Variants in ZFYVE9 observed in about 807,000 individuals in gnomAD.
ZFYVE9 encodes zinc finger FYVE domain-containing protein 9.
ZFYVE9 carries 43 observed loss-of-function variants against 126.7 expected under a neutral mutation model. That is an observed-to-expected ratio of 0.34 (90% confidence interval 0.27 to 0.44). The LOEUF is 0.44. Among genes scored for constraint, ZFYVE9 ranks in the 20% least tolerant of loss-of-function variants. The probability of loss-of-function intolerance (pLI) is 1.00; values close to 1 mark genes in which losing one functional copy is unlikely to be tolerated. For synonymous variants in ZFYVE9, 521 were observed against 597.4 expected (o/e 0.87, Z 1.87); for missense variants, 1,476 against 1,697.0 (o/e 0.87, Z 2.29).
intron 10 of ZFYVE9, among the ~76,000 whole-genome samples, chr1:52,283,711 G>A (rs1357858966): frequency 6.6e-6 from 1 of 152,156 alleles, no homozygotes; most frequent in Non-Finnish European, 1.5e-5. Context: ...AGGTGGGGGT[G>A]CAGGTGCTAG....
intron 4 of ZFYVE9, among the ~76,000 whole-genome samples, chr1:52,249,431 T>C (rs1428287278): frequency 6.6e-6 from 1 of 152,224 alleles, no homozygotes; most frequent in Admixed American, 6.5e-5. Flanking sequence ...TACTGGTCTC[T>C]ATATTAAAAA....
At chr1:52,235,924 A>G (rs1645269397) in intron 3 of ZFYVE9, among the ~76,000 whole-genome samples, 1 of 152,074 alleles carries the variant, frequency 6.6e-6, no homozygotes, top group South Asian at 2.1e-4. Context: ...GTTCTTGGAA[A>G]CTGTGACTTT....
chr1:52,252,850 C>A, intron 4 of ZFYVE9: 1 of 254,138 alleles, frequency 3.9e-6, no homozygotes. Flanking sequence ...CACACCTTTA[C>A]CAGAGAGTGA....
intron 3 of ZFYVE9, among the ~76,000 whole-genome samples, chr1:52,236,246 G>A (rs1185837486): frequency 6.6e-6 from 1 of 152,104 alleles, no homozygotes; most frequent in Non-Finnish European, 1.5e-5. Context: ...TATTTACTGT[G>A]TATGTTCTAC....
intron 4 of ZFYVE9, among the ~76,000 whole-genome samples, chr1:52,255,930 TTTC>T (rs1232629861): frequency 1.7e-5 from 2 of 121,064 alleles, no homozygotes; most frequent in African/African-American, 4.3e-5. Flanking sequence ...TTTCTTTTCT[TTTC>T]TTTTCTTTTC....
intron 4 of ZFYVE9, among the ~76,000 whole-genome samples, chr1:52,263,333 A>G (rs1645599478): frequency 6.6e-6 from 1 of 152,210 alleles, no homozygotes; most frequent in East Asian, 1.9e-4. Context: ...TTATTATTCC[A>G]CATATAAGGA....
intron 2 of ZFYVE9, among the ~76,000 whole-genome samples, chr1:52,227,080 C>G (rs1397049207): frequency 6.6e-6 from 1 of 152,228 alleles, no homozygotes; most frequent in Non-Finnish European, 1.5e-5. Context: ...GATTACACTA[C>G]TCACTAATGG....
At chr1:52,210,679 T>C (rs1387642390) in intron 1 of ZFYVE9, among the ~76,000 whole-genome samples, 1 of 152,078 alleles carries the variant, frequency 6.6e-6, no homozygotes, top group East Asian at 1.9e-4. Flanking sequence ...TTTTGAGACA[T>C]AGTCTCACTG....
At chr1:52,235,643 C>T (rs573778030) in intron 3 of ZFYVE9, among the ~76,000 whole-genome samples, 1 of 152,234 alleles carries the variant, frequency 6.6e-6, no homozygotes, top group South Asian at 2.1e-4. Context: ...CTTCTTTACA[C>T]TAATTCTTTT....
rs553338439 is a variant in ZFYVE9 at position 52,237,893 on chromosome 1, A to C, written c.476A>C (p.Lys159Thr). Residue 159 changes from lysine (K) to threonine (T), a missense_variant, in exon 4 of 19, where the codon AAA becomes ACA. Around this residue, in one of 2 missense-constraint regions of ZFYVE9, gnomAD observed 807 missense variants for 794.6 expected, o/e 1.02. Transcript: ENST00000287727. The stretch of plus-strand genomic sequence containing the variant: ...GTAGCCGTCATGCATAACTGTGATA[A>C]AAGGACATTACAAAACGATTTACAG... The part of the protein sequence containing the change: ...LVVAVMHNCD[K>T]RTLQNDLQDC... 1.2e-6 allele frequency: 2 copies of C among 1,614,040 alleles called. No individual in the cohort carries two copies. The highest frequency in any genetic ancestry group is 4.5e-5 in the East Asian group (2 of 44,880).
chr1:52,235,143 C>T (rs1381881095), intron 3 of ZFYVE9, among the ~76,000 whole-genome samples: 1 of 152,090 alleles, frequency 6.6e-6, no homozygotes, highest in Non-Finnish European at 1.5e-5. Context: ...CTGAAACCAG[C>T]TTCTTGGTTG....
chr1:52,343,150 C>G (rs4475695), intron 17 of ZFYVE9, among the ~76,000 whole-genome samples: 2 of 151,372 alleles, frequency 1.3e-5, no homozygotes, highest in African/African-American at 4.9e-5. Flanking sequence ...TCTTGATCTC[C>G]TGACCTTGTG....
In ZFYVE9 at chr1:52,209,432, A is replaced by G. The variant is rs564335349; in HGVS notation, c.-142-6937A>G. ...TTCACAGAGTTGTGTAACCATCACC[A>G]TTTATAATTCCAGAACATTTTCATC... On this transcript the variant is annotated intron_variant, in intron 1 of 18. Coordinates refer to ENST00000287727, the MANE Select transcript of ZFYVE9 (RefSeq NM_004799.4). Among the ~76,000 whole-genome samples, 102 of 152,290 alleles carry G rather than the reference A, an allele frequency of 6.7e-4. 1 individual carries two copies. The highest frequency in any genetic ancestry group is 1.1e-3 in the Non-Finnish European group (77 of 68,024).
At chr1:52,225,553 A>G (rs950313372) in intron 2 of ZFYVE9, among the ~76,000 whole-genome samples, 2 of 152,176 alleles carry the variant, frequency 1.3e-5, no homozygotes, top group African/African-American at 4.8e-5. Context: ...CCCATGTTGG[A>G]TGGGTCGGAC....
intron 1 of ZFYVE9, among the ~76,000 whole-genome samples, chr1:52,146,834 C>T (rs1018858475): frequency 1.3e-5 from 2 of 151,964 alleles, no homozygotes; most frequent in African/African-American, 4.8e-5. Context: ...AGTAGAATAC[C>T]TTATATTTTA....
At chr1:52,179,289 T>C (rs1425998747) in intron 1 of ZFYVE9, among the ~76,000 whole-genome samples, 5 of 152,132 alleles carry the variant, frequency 3.3e-5, no homozygotes, top group African/African-American at 1.2e-4. Context: ...AGTGAAACCA[T>C]GTAGAGTGAA....
At chr1:52,170,597 T>C (rs984353579) in intron 1 of ZFYVE9, among the ~76,000 whole-genome samples, 2 of 152,200 alleles carry the variant, frequency 1.3e-5, no homozygotes, top group African/African-American at 4.8e-5. Flanking sequence ...GTTTTTCTTT[T>C]TTGATGTAGG....
Position 52,344,959 on chromosome 1 carries a change from C to T in ZFYVE9, c.4116+15C>T. The T allele has an allele frequency of 6.2e-7, 1 of 1,611,426 alleles. No individual in the cohort carries two copies. Among genetic ancestry groups the T allele is most frequent in the Non-Finnish European group, 8.5e-7 (1 of 1,177,712 alleles). On this transcript the variant is annotated intron_variant, in intron 18 of 18. Transcript: ENST00000287727. ...ACTCAGATCAGGTATGATGTGTCTT[C>T]CGCAGCTTTTAAAGCTGGCCTTGGG...
intron 1 of ZFYVE9, among the ~76,000 whole-genome samples, chr1:52,172,218 TG>T (rs1644579334): frequency 6.6e-6 from 1 of 152,252 alleles, no homozygotes; most frequent in Non-Finnish European, 1.5e-5. Flanking sequence ...TTTCTACATA[TG>T]GCTAGCCAGT....
Sources: gnomAD v4.1 joint callset for allele counts (sites outside exome capture counted in the v4.1 genomes callset) on GRCh38, gnomAD v4.1.1 for gene constraint, gnomAD v4.1.1 regional missense constraint, MANE v1.5 for transcripts, NCBI Gene and HGNC (gene_info 2026-07-23, HGNC 2026-07-21) for gene names.